The following LRP1B variants were observed in gnomAD, a reference collection of about 807,000 sequenced individuals.
LRP1B encodes the protein LDL receptor related protein 1B.
In LRP1B, 217 loss-of-function variants were observed where a neutral mutation model predicts 556.6. The ratio of observed to expected loss-of-function variants is 0.39; its 90% CI spans 0.35 to 0.44. LRP1B has a LOEUF of 0.44. LRP1B is among the 20% of genes least tolerant of loss of function. LRP1B has a pLI of 1.00. For missense variants in LRP1B, 5,053 were observed against 5,620.8 expected, an observed-to-expected ratio of 0.90 and a Z score of 3.23; for synonymous variants, 2,047 against 1,865.8, an observed-to-expected ratio of 1.10 and a Z score of -2.50.
chr2:141,579,840 C>T (rs1316900381), intron 2 of LRP1B, among the ~76,000 whole-genome samples: 2 of 149,034 alleles, frequency 1.3e-5, no homozygotes, highest in African/African-American at 2.5e-5. Flanking sequence ...GCTGGGACTA[C>T]AGGCACCCAC....
chr2:140,955,563 T>C (rs1452156054), intron 18 of LRP1B, among the ~76,000 whole-genome samples: 1 of 151,836 alleles, frequency 6.6e-6, no homozygotes, highest in Non-Finnish European at 1.5e-5. Context: ...AACTATATTT[T>C]ATCTTGGTAG....
At chr2:141,112,857 A>G in intron 7 of LRP1B, among the ~76,000 whole-genome samples, 1 of 152,230 alleles carries the variant, frequency 6.6e-6, no homozygotes, top group South Asian at 2.1e-4. Flanking sequence ...ATCCAACAAC[A>G]TTAAGCTGCA....
chr2:140,445,973 T>C (rs1171835325), intron 63 of LRP1B, among the ~76,000 whole-genome samples: 2 of 152,166 alleles, frequency 1.3e-5, no homozygotes, highest in African/African-American at 4.8e-5. Flanking sequence ...AAATAAATTA[T>C]GCTTTTATAA....
intron 60 of LRP1B, among the ~76,000 whole-genome samples, chr2:140,467,932 G>A (rs554373341): frequency 5.3e-5 from 8 of 152,268 alleles, no homozygotes; most frequent in Non-Finnish European, 1.2e-4. Context: ...CGTCAGCCTG[G>A]CCATCTTGTT....
chr2:140,690,928 A>G (rs1479719958), intron 41 of LRP1B, among the ~76,000 whole-genome samples: 2 of 152,188 alleles, frequency 1.3e-5, no homozygotes, highest in Admixed American at 6.5e-5. Context: ...GTAGATGACT[A>G]AAAGTATCCT....
chr2:141,002,505 G>C (rs1441239947), intron 15 of LRP1B, among the ~76,000 whole-genome samples: 2 of 151,974 alleles, frequency 1.3e-5, no homozygotes, highest in Non-Finnish European at 2.9e-5. Context: ...ATATAAAATA[G>C]TGCAGTATTT....
chr2:141,895,971 G>GTATTTTTAAA (rs1218191997), intron 1 of LRP1B, among the ~76,000 whole-genome samples: 1 of 151,964 alleles, frequency 6.6e-6, no homozygotes, highest in African/African-American at 2.4e-5. Context: ...AAATATTTAA[G>GTATTTTTAAA]TATTTTGGAT....
At chr2:140,981,963 C>T (rs1696782825) in intron 18 of LRP1B, among the ~76,000 whole-genome samples, 197 bp downstream of exon 18, 1 of 152,124 alleles carries the variant, frequency 6.6e-6, no homozygotes, top group Admixed American at 6.6e-5. Flanking sequence ...ATTGTTTCTG[C>T]CTCACAAATA....
At chr2:140,569,315 A>C (rs1185307685) in intron 43 of LRP1B, among the ~76,000 whole-genome samples, 1 of 152,024 alleles carries the variant, frequency 6.6e-6, no homozygotes, top group Non-Finnish European at 1.5e-5. Flanking sequence ...CTACTTAAAA[A>C]GGAATTTCTT....
At chr2:141,543,518 C>CAAAA (rs377085694) in intron 2 of LRP1B, among the ~76,000 whole-genome samples, 6,907 of 90,996 alleles carry the variant, frequency 0.076, 439 homozygotes, top group African/African-American at 0.17. Context: ...GACCCTGTCT[C>CAAAA]AAAAAAAAAA....
chr2:140,700,368 C>A lies in LRP1B; in HGVS notation c.6681G>T (p.Leu2227Phe), dbSNP rs1686588364. Residue 2227 changes from leucine (L) to phenylalanine (F), a missense_variant, in exon 41 of 91, where the codon TTG (leucine) becomes TTT (phenylalanine). Coordinates refer to ENST00000389484, the MANE Select transcript of LRP1B (RefSeq NM_018557.3). ...TTCTTCTTTGATTATAGTCAAAAGCCAAGGCTATGACATTCTTGAAATAAC... is the reference window on the plus strand; with the variant it reads ...TTCTTCTTTGATTATAGTCAAAAGCAAAGGCTATGACATTCTTGAAATAAC... ...NPRYFKNVIALAFDYNQRRKG... is the reference protein window; with the variant it reads ...NPRYFKNVIAFAFDYNQRRKG... The A allele has an allele frequency of 6.2e-7, 1 of 1,613,090 alleles. No individual in the cohort carries two copies. Among genetic ancestry groups the A allele is most frequent in the African/African-American group, 1.3e-5 (1 of 74,820 alleles).
chr2:140,235,818 C>G lies in LRP1B; in HGVS notation c.13561-934G>C, dbSNP rs191049269. Among the ~76,000 whole-genome samples the G allele has an allele frequency of 6.0e-5, 9 of 150,782 alleles. No individual in the cohort carries two copies. In the East Asian group the frequency reaches 1.8e-3, roughly 30 times the overall value. ...ATAAAAATGATGAGGAAAAAATAAC[C>G]CTCCTTCATATGAAAAATGTGTAAA... On this transcript the variant is annotated intron_variant, in intron 89 of 90. Transcript: ENST00000389484.
chr2:142,063,819 C>T lies in LRP1B; in HGVS notation c.82+66829G>A, dbSNP rs930382385. On this transcript the variant is annotated intron_variant, in intron 1 of 90. Transcript: ENST00000389484. The stretch of plus-strand genomic sequence containing the variant: ...ATAATACAAAGTAGAAATCGTCATA[C>T]GAAAGTAAAGACATTTGGAATAAAA... Among the ~76,000 whole-genome samples, 7 of 151,382 alleles carry T rather than the reference C, an allele frequency of 4.6e-5. No individual in the cohort carries two copies. The East Asian group carries it at 5.8e-4, about 13-fold the overall frequency.
At chr2:141,529,613 C>T (rs978352474) in intron 2 of LRP1B, among the ~76,000 whole-genome samples, 1 of 152,098 alleles carries the variant, frequency 6.6e-6, no homozygotes, top group African/African-American at 2.4e-5. Context: ...TAGAATCTGA[C>T]TTTCTCAATA....
chr2:140,322,368 T>C (rs947726689), intron 81 of LRP1B, among the ~76,000 whole-genome samples: 1 of 152,054 alleles, frequency 6.6e-6, no homozygotes, highest in Non-Finnish European at 1.5e-5. Flanking sequence ...TTGCTTCTAA[T>C]TGCTTTTGGC....
At chr2:140,786,934 C>T (rs990144260) in intron 32 of LRP1B, among the ~76,000 whole-genome samples, 2 of 152,068 alleles carry the variant, frequency 1.3e-5, no homozygotes, top group Non-Finnish European at 2.9e-5. Flanking sequence ...AACAAGGCAG[C>T]TCTGAATGAC....
At chr2:140,857,310 A>T (rs1428499841) in intron 27 of LRP1B, among the ~76,000 whole-genome samples, 1 of 152,170 alleles carries the variant, frequency 6.6e-6, no homozygotes. Context: ...AGTAACTAAT[A>T]TTCATCCTGT....
intron 1 of LRP1B, among the ~76,000 whole-genome samples, chr2:142,127,360 A>G (rs1707691632): frequency 6.8e-6 from 1 of 147,366 alleles, no homozygotes; most frequent in African/African-American, 2.6e-5. Flanking sequence ...ATTCTGATGT[A>G]TGGCAGAATC....
chr2:141,334,993 C>T (rs938220470), intron 3 of LRP1B, among the ~76,000 whole-genome samples: 2 of 152,162 alleles, frequency 1.3e-5, no homozygotes, highest in Non-Finnish European at 2.9e-5. Flanking sequence ...ATACTTTTTT[C>T]AGTTAACTCA....
Sources: gnomAD v4.1 joint callset for allele counts (sites outside exome capture counted in the v4.1 genomes callset) on GRCh38, gnomAD v4.1.1 for gene constraint, MANE v1.5 for transcripts, NCBI Gene and HGNC (gene_info 2026-07-23, HGNC 2026-07-21) for gene names.